The following KCNH7 variants were observed in gnomAD, a reference collection of about 807,000 sequenced individuals.
KCNH7 encodes the protein voltage-gated inwardly rectifying potassium channel KCNH7.
Under a neutral mutation model 120.8 loss-of-function variants are expected in KCNH7, and 49 were observed. That is an observed-to-expected ratio of 0.41 (90% CI 0.32 to 0.51). KCNH7 has a LOEUF of 0.51. Ranked by LOEUF, KCNH7 falls within the 20% of genes least tolerant of loss-of-function variation. KCNH7 has a pLI of 0.38. For synonymous variants in KCNH7, 547 were observed against 516.1 expected, an observed-to-expected ratio of 1.06 and a Z score of -0.81; for missense variants, 1,097 against 1,446.6, an observed-to-expected ratio of 0.76 and a Z score of 3.92.
intron 2 of KCNH7, among the ~76,000 whole-genome samples, chr2:162,565,930 G>C (rs536453401): frequency 1.3e-5 from 2 of 151,972 alleles, no homozygotes; most frequent in African/African-American, 4.8e-5. Context: ...TGATGACAAA[G>C]GGGTTTTCTG....
chr2:162,391,117 A>G (rs1344173576), intron 12 of KCNH7, among the ~76,000 whole-genome samples: 1 of 151,974 alleles, frequency 6.6e-6, no homozygotes, highest in Non-Finnish European at 1.5e-5. Flanking sequence ...TCTTGATGCC[A>G]CTGCTGATTT....
intron 2 of KCNH7, among the ~76,000 whole-genome samples, chr2:162,685,290 C>A (rs1376040639): frequency 2.0e-5 from 3 of 151,908 alleles, no homozygotes; most frequent in African/African-American, 2.4e-5. Context: ...CACATGTATA[C>A]CTATGTAAAA....
At chr2:162,728,026 G>T (rs1687590068) in intron 2 of KCNH7, among the ~76,000 whole-genome samples, 2 of 152,058 alleles carry the variant, frequency 1.3e-5, no homozygotes, top group Admixed American at 6.5e-5. Flanking sequence ...TCTCTTGGGA[G>T]AATACCCAGG....
chr2:162,825,178 A>T (rs752607446), intron 2 of KCNH7, among the ~76,000 whole-genome samples: 6 of 152,036 alleles, frequency 3.9e-5, no homozygotes, highest in African/African-American at 7.2e-5. Flanking sequence ...GAATGTGAAG[A>T]TCAGTTTTTA....
chr2:162,435,620 T>G, intron 7 of KCNH7, 23 bp from the exon 8 acceptor site: 4 of 1,541,638 alleles, frequency 2.6e-6, no homozygotes, highest in Non-Finnish European at 3.5e-6. Context: ...ATGTACACAG[T>G]CAGAAACGGT....
intron 2 of KCNH7, among the ~76,000 whole-genome samples, chr2:162,788,312 T>C (rs1675735769): frequency 6.6e-6 from 1 of 152,202 alleles, no homozygotes; most frequent in Admixed American, 6.5e-5. Context: ...GAACCATCTG[T>C]AATCATTTTG....
chr2:162,760,459 T>A (rs922347333), intron 2 of KCNH7, among the ~76,000 whole-genome samples: 2 of 152,122 alleles, frequency 1.3e-5, no homozygotes, highest in East Asian at 3.9e-4. Flanking sequence ...CTCCTGTAAA[T>A]TTAGGGGACC....
intron 2 of KCNH7, among the ~76,000 whole-genome samples, chr2:162,564,397 AT>A (rs1401931228): frequency 6.6e-6 from 1 of 152,168 alleles, no homozygotes; most frequent in Non-Finnish European, 1.5e-5. Context: ...GGAATGTTAC[AT>A]TTGCAGAATT....
At chr2:162,781,803 C>T (rs1234848491) in intron 2 of KCNH7, among the ~76,000 whole-genome samples, 4 of 152,246 alleles carry the variant, frequency 2.6e-5, no homozygotes, top group African/African-American at 9.6e-5. Context: ...TAATTCAAGA[C>T]TTCAAGCAGA....
chr2:162,676,561 T>C (rs941286699), intron 2 of KCNH7, among the ~76,000 whole-genome samples: 1 of 151,450 alleles, frequency 6.6e-6, no homozygotes, highest in Non-Finnish European at 1.5e-5. Context: ...AAAGAACCAA[T>C]TGAACCTTCC....
chr2:162,384,860 T>C lies in KCNH7; in HGVS notation c.2790A>G (p.Lys930=), dbSNP rs199701231. 1 of 1,612,742 alleles carries C rather than the reference T, an allele frequency of 6.2e-7. No individual in the cohort carries two copies. The highest frequency in any genetic ancestry group is 8.5e-7 in the Non-Finnish European group (1 of 1,179,022). ...YQSSKRHFEE[K]KSRSSSFISS... ...AGATGAAAGATGAGGATCTGCTTTTTTTCTCTTCAAAGTGTCTCTTGGAAC... is the reference window on the plus strand; with the variant it reads ...AGATGAAAGATGAGGATCTGCTTTTCTTCTCTTCAAAGTGTCTCTTGGAAC... Residue 930 remains lysine, a synonymous_variant, in exon 13 of 16, where the codon AAA becomes AAG. Transcript: ENST00000332142.
chr2:162,469,209 T>C (rs1689412026), intron 6 of KCNH7, among the ~76,000 whole-genome samples: 1 of 150,534 alleles, frequency 6.6e-6, no homozygotes, highest in Non-Finnish European at 1.5e-5. Flanking sequence ...TGTTATGAAA[T>C]TTTATGCTAT....
intron 3 of KCNH7, among the ~76,000 whole-genome samples, chr2:162,519,929 C>T (rs1691459934): frequency 6.6e-6 from 1 of 151,750 alleles, no homozygotes; most frequent in Non-Finnish European, 1.5e-5. Context: ...ATGAACATTT[C>T]TCCATTTTGA....
chr2:162,679,499 G>C (rs978943791), intron 2 of KCNH7, among the ~76,000 whole-genome samples: 2 of 151,620 alleles, frequency 1.3e-5, no homozygotes, highest in South Asian at 2.1e-4. Flanking sequence ...CTATACTAAT[G>C]CATCCCTGAT....
intron 2 of KCNH7, among the ~76,000 whole-genome samples, chr2:162,719,263 T>A (rs184271286): frequency 9.9e-5 from 15 of 152,204 alleles, no homozygotes; most frequent in East Asian, 9.6e-4. Context: ...ATATCTATAC[T>A]TAATCCATTC....
chr2:162,648,595 C>A (rs922219475), intron 2 of KCNH7, among the ~76,000 whole-genome samples: 8 of 152,124 alleles, frequency 5.3e-5, no homozygotes, highest in African/African-American at 1.9e-4. Context: ...TGTGCTTTTG[C>A]TTATGCTTTT....
At chr2:162,808,894 T>C (rs1303292993) in intron 2 of KCNH7, among the ~76,000 whole-genome samples, 1 of 152,174 alleles carries the variant, frequency 6.6e-6, no homozygotes, top group Non-Finnish European at 1.5e-5. Context: ...GAATTTTGGA[T>C]GGGATAAGTA....
intron 6 of KCNH7, among the ~76,000 whole-genome samples, chr2:162,470,268 C>A (rs1008451535): frequency 2.0e-5 from 3 of 151,946 alleles, no homozygotes; most frequent in Non-Finnish European, 4.4e-5. Context: ...TGAGGAGCGT[C>A]TCTGCCCGCC....
intron 2 of KCNH7, among the ~76,000 whole-genome samples, chr2:162,722,331 T>C (rs1324714385): frequency 6.6e-6 from 1 of 151,932 alleles, no homozygotes. Context: ...ATCAGAAAAG[T>C]ACAAGATGAA....
Sources: allele counts gnomAD v4.1 joint callset (sites outside exome capture counted in the v4.1 genomes callset), GRCh38; gene constraint gnomAD v4.1.1; transcripts MANE v1.5; gene names NCBI Gene and HGNC (gene_info 2026-07-23, HGNC 2026-07-21).